The following TPRA1 variants were observed in gnomAD, a reference collection of about 807,000 sequenced individuals.
The protein encoded by TPRA1 is transmembrane protein adipocyte-associated 1.
TPRA1 carries 28 observed loss-of-function variants against 40.1 expected under a neutral mutation model. That is an observed-to-expected ratio of 0.70 (90% CI 0.52 to 0.96). TPRA1 has a LOEUF of 0.96. Among genes scored for constraint, TPRA1 ranks in the 40% least tolerant of loss-of-function variants. The pLI, the probability that TPRA1 is intolerant of heterozygous loss-of-function variation, is 0.00. For synonymous variants in TPRA1, 219 were observed against 209.7 expected (o/e 1.04, Z -0.38); for missense variants, 441 against 482.6 (o/e 0.91, Z 0.81).
upstream of TPRA1, chr3:127,598,212 A>G: frequency 3.4e-6 from 2 of 582,250 alleles, no homozygotes. Context: ...TCCAGCTCCC[A>G]CCACAGCGCA....
rs765743858 is a variant in TPRA1 at position 127,573,535 on chromosome 3, C to A, written c.1108G>T (p.Ala370Ser). Residue 370 changes from alanine to serine, a missense_variant, in exon 11 of 11, where the codon GCC (alanine) becomes TCC (serine). By Grantham distance (99) the Ala-to-Ser change is moderately conservative. Transcript: ENST00000355552. ...INSTDSERWK[A>S]INA The stretch of plus-strand genomic sequence containing the variant: ...GGCAGCTGCCCTCAGGCATTGATGG[C>A]CTTCCAGCGCTCGCTGTCTGTGCTG... 6.2e-7 allele frequency: 1 copy of A among 1,611,812 alleles called. No homozygotes were observed. The highest frequency in any genetic ancestry group is 2.2e-5 in the East Asian group (1 of 44,862).
intron 3 of TPRA1, among the ~76,000 whole-genome samples, chr3:127,577,934 A>G (rs991509126): frequency 6.6e-6 from 1 of 152,234 alleles, no homozygotes; most frequent in Non-Finnish European, 1.5e-5. Context: ...GACGGACAGC[A>G]TGCAAGCCTG....
intron 1 of TPRA1, chr3:127,588,019 A>T (rs2074051577): frequency 6.6e-6 from 1 of 152,226 alleles, no homozygotes; most frequent in Non-Finnish European, 1.5e-5. Context: ...GGAGGGAGGT[A>T]CTTATGTTAT....
At chr3:127,574,899 C>T in intron 10 of TPRA1, 3 of 485,856 alleles carry the variant, frequency 6.2e-6, no homozygotes, top group Admixed American at 3.7e-5. Context: ...TGCATATGCC[C>T]GTGTGTATCC....
chr3:127,597,398 T>G (rs1006760899), intron 1 of TPRA1, among the ~76,000 whole-genome samples: 1 of 152,270 alleles, frequency 6.6e-6, no homozygotes, highest in African/African-American at 2.4e-5. Flanking sequence ...CGTCTCACCC[T>G]GCTCAAAATG....
At chr3:127,575,871 A>G in intron 7 of TPRA1, 62 bp from the exon 8 acceptor site, 1 of 1,611,326 alleles carries the variant, frequency 6.2e-7, no homozygotes. Flanking sequence ...ACAGCCAGAA[A>G]CCCAGGAATC....
At position 127,573,687 on chromosome 3, in the gene TPRA1, C is replaced by G; in HGVS notation, c.956G>C (p.Gly319Ala). Residue 319 changes from glycine (G) to alanine (A), a missense_variant, in exon 11 of 11, where the codon GGC becomes GCC. Transcript: ENST00000355552. ...CCCAGCAGCCCCTGCAGCCTCCAGG[C>G]CCTCCCGCCGGGCCACAGCGTAGGG... ...PQPYAVARRE[G>A]LEAAGAAGAS... 1 of 1,613,588 alleles carries G rather than the reference C, an allele frequency of 6.2e-7. No homozygotes were observed. Among genetic ancestry groups the G allele is most frequent in the Non-Finnish European group, 8.5e-7 (1 of 1,179,886 alleles).
rs1374219154 is a variant in TPRA1 at position 127,571,529 on chromosome 3, A to G, written c.*1992T>C. On this transcript the variant is annotated 3_prime_UTR_variant, in exon 11 of 11. Coordinates refer to ENST00000355552, the MANE Select transcript of TPRA1 (RefSeq NM_001136053.4). ...AAAGGGAAGTGGTTTATAAATTGCCATATATCCATATATATGTAGCTGCAG... is the reference window on the plus strand; with the variant it reads ...AAAGGGAAGTGGTTTATAAATTGCCGTATATCCATATATATGTAGCTGCAG... 6.6e-6 allele frequency: 1 copy of G among 152,260 alleles called. No homozygotes were observed. The highest frequency in any genetic ancestry group is 1.5e-5 in the Non-Finnish European group (1 of 68,054). 9.4% of individuals were successfully genotyped at this position (152,260 alleles called of 1,614,324 possible).
intron 10 of TPRA1, 79 bp downstream of exon 10, chr3:127,575,106 T>G: frequency 1.3e-6 from 2 of 1,508,214 alleles, no homozygotes; most frequent in Non-Finnish European, 1.8e-6. Flanking sequence ...GCCTCTCAGC[T>G]TCAATCCTCA....
chr3:127,596,130 A>C (rs2074237999), intron 1 of TPRA1, among the ~76,000 whole-genome samples: 1 of 151,850 alleles, frequency 6.6e-6, no homozygotes, highest in Non-Finnish European at 1.5e-5. Flanking sequence ...CCCAGGCTGG[A>C]GTGCAATGGC....
intron 1 of TPRA1, among the ~76,000 whole-genome samples, chr3:127,596,386 G>T (rs111504245): frequency 6.6e-6 from 1 of 152,166 alleles, no homozygotes; most frequent in Non-Finnish European, 1.5e-5. Context: ...GCCATCCCAG[G>T]ATAATTTTTT....
intron 10 of TPRA1, among the ~76,000 whole-genome samples, chr3:127,574,338 G>A (rs1181969476): frequency 6.6e-6 from 1 of 152,232 alleles, no homozygotes; most frequent in Non-Finnish European, 1.5e-5. Context: ...CAGGTGGGAG[G>A]CTGATCCCCT....
At chr3:127,590,124 T>C (rs1413457251) in intron 1 of TPRA1, among the ~76,000 whole-genome samples, 1 of 152,148 alleles carries the variant, frequency 6.6e-6, no homozygotes, top group Non-Finnish European at 1.5e-5. Flanking sequence ...CCACCCGCAC[T>C]GCCTCCAGCC....
upstream of TPRA1, among the ~76,000 whole-genome samples, chr3:127,592,367 GTTTTTTTTTT>G (rs746017013): frequency 2.3e-4 from 20 of 88,508 alleles, no homozygotes; most frequent in Non-Finnish European, 4.3e-4. Flanking sequence ...GCAACATGCT[GTTTTTTTTTT>G]TTTTTTTTTT....
At chr3:127,586,821 T>A (rs980375001) in intron 1 of TPRA1, among the ~76,000 whole-genome samples, 15 of 152,142 alleles carry the variant, frequency 9.9e-5, no homozygotes, top group African/African-American at 3.6e-4. Context: ...GAGAGGCCCC[T>A]TGAGGCACAG....
At position 127,590,469 on chromosome 3, in the gene TPRA1, C is replaced by T. The variant is rs1165952361; in HGVS notation, c.-77G>A. 3.3e-5 allele frequency: 5 copies of T among 152,356 alleles called. No individual in the cohort carries two copies. The highest frequency in any genetic ancestry group is 1.2e-4 in the African/African-American group (5 of 41,464). The allele number at this position is 152,356 out of a possible 1,614,324, so 9.4% of individuals were successfully genotyped here. A position where few individuals can be genotyped will look rare whatever the true frequency, so the allele number is the denominator to read the frequency against. ...CCGGCCGCCCCGGCCGCCCATCCGC[C>T]GCCACTGGGTGTGCGCGGATCCAGC... On this transcript the variant is annotated 5_prime_UTR_variant, in exon 1 of 11. Coordinates refer to ENST00000355552, the MANE Select transcript of TPRA1 (RefSeq NM_001136053.4).
intron 1 of TPRA1, among the ~76,000 whole-genome samples, chr3:127,590,084 C>T (rs1378341856): frequency 2.0e-5 from 3 of 152,184 alleles, no homozygotes. Flanking sequence ...CGCCACCCCG[C>T]GCCGGACCGG....
intron 1 of TPRA1, chr3:127,587,291 G>A (rs1286593192): frequency 6.6e-6 from 1 of 152,156 alleles, no homozygotes; most frequent in African/African-American, 2.4e-5. Flanking sequence ...GCGGAGGAGT[G>A]GAGAGCTGAG....
In TPRA1 at chr3:127,573,551, G is replaced by A. The variant is rs1360122062; in HGVS notation, c.1092C>T (p.Asp364=). 2.5e-6 allele frequency: 4 copies of A among 1,612,944 alleles called. 1 individual carries two copies. In the Admixed American group the frequency reaches 6.7e-5, roughly 27 times the overall value. The part of the protein sequence containing the change: ...PCHTGSINST[D]SERWKAINA ...CATTGATGGCCTTCCAGCGCTCGCT[G>A]TCTGTGCTGTTGATGCTGCCAGTGT... The change falls in exon 11 of 11, where the codon GAC becomes GAT. Residue 364 remains aspartate (D), a synonymous_variant. Transcript: ENST00000355552.
Sources: allele counts gnomAD v4.1 joint callset (sites outside exome capture counted in the v4.1 genomes callset), GRCh38; gene constraint gnomAD v4.1.1; transcripts MANE v1.5; gene names NCBI Gene and HGNC (gene_info 2026-07-23, HGNC 2026-07-21).